CACNA1E: variants seen among roughly 807,000 people sequenced by gnomAD.
CACNA1E encodes voltage-dependent R-type calcium channel subunit alpha-1E.
CACNA1E carries 40 observed loss-of-function variants against 259.2 expected under a neutral mutation model. The ratio of observed to expected loss-of-function variants is 0.15; its 90% CI spans 0.12 to 0.20. CACNA1E has a LOEUF of 0.20. CACNA1E is among the 10% of genes least tolerant of loss of function. The pLI, the probability that CACNA1E is intolerant of heterozygous loss-of-function variation, is 1.00. For missense variants in CACNA1E, 1,874 were observed against 3,040.1 expected, an observed-to-expected ratio of 0.62 and a Z score of 9.02; for synonymous variants, 1,104 against 1,138.5, an observed-to-expected ratio of 0.97 and a Z score of 0.61.
In CACNA1E at chr1:181,732,893, C is replaced by T; in HGVS notation, c.2807C>T (p.Ala936Val). 6.2e-7 allele frequency: 1 copy of T among 1,614,008 alleles called. No homozygotes were observed. The highest frequency in any genetic ancestry group is 8.5e-7 in the Non-Finnish European group (1 of 1,179,886). Reference sequence around the variant, plus strand: ...ACAGAAGGCAAGGAGTCCTCTTCAGCCTCCCGGAGCAGGTCTGCCAGCCAG... The same window carrying T: ...ACAGAAGGCAAGGAGTCCTCTTCAGTCTCCCGGAGCAGGTCTGCCAGCCAG... Reference protein sequence around the residue: ...VRTEGKESSSASRSRSASQER... With the variant: ...VRTEGKESSSVSRSRSASQER... The change falls in exon 20 of 48, where the codon GCC becomes GTC. Residue 936 changes from alanine to valine, a missense_variant. Coordinates refer to ENST00000367573, the MANE Select transcript of CACNA1E (RefSeq NM_001205293.3). This position sits in a 1 kb window ranked among gnomAD's most constrained non-coding sequence, Gnocchi z 5.5.
chr1:181,408,254 T>C (rs760100265), intron 1 of CACNA1E, among the ~76,000 whole-genome samples: 1 of 151,008 alleles, frequency 6.6e-6, no homozygotes. Context: ...AGAAAGAGAG[T>C]GGTGGAGGGG....
intron 2 of CACNA1E, among the ~76,000 whole-genome samples, chr1:181,426,685 A>G (rs1178392431): frequency 2.5e-5 from 1 of 39,386 alleles, no homozygotes; most frequent in Admixed American, 2.9e-4. Flanking sequence ...CAACCCCTTC[A>G]CAACTCAACC....
rs540356856 is a variant in CACNA1E, at chr1:181,703,655, C to T, written c.1056-7299C>T. Among the ~76,000 whole-genome samples, 16 of 152,162 alleles carry T rather than the reference C, an allele frequency of 1.1e-4. No individual in the cohort carries two copies. The South Asian group carries it at 1.9e-3, about 18-fold the overall frequency. On this transcript the variant is annotated intron_variant, in intron 7 of 47. Transcript: ENST00000367573. ...TTCCCTGAGCTCCTAAAAGAATAAT[C>T]TTCTTTGAGTTCTCATAACTGAAAT...
intron 6 of CACNA1E, among the ~76,000 whole-genome samples, chr1:181,618,305 C>G (rs932572411): frequency 6.6e-6 from 1 of 152,200 alleles, no homozygotes; most frequent in Non-Finnish European, 1.5e-5. Context: ...TGACTCATGC[C>G]TATAATCCCA....
chr1:181,338,905 T>G (rs1447097477), intron 1 of CACNA1E, among the ~76,000 whole-genome samples: 2 of 152,104 alleles, frequency 1.3e-5, no homozygotes, highest in Non-Finnish European at 2.9e-5. Context: ...TCTAGCACAA[T>G]TAATTGAAGA....
In CACNA1E at chr1:181,685,179, ATT is replaced by A. The variant is rs35187833; in HGVS notation, c.1056-25759_1056-25758del. Among the ~76,000 whole-genome samples, 435 of 110,166 alleles carry A rather than the reference ATT, an allele frequency of 3.9e-3. 1 individual carries two copies. The highest frequency in any genetic ancestry group is 5.4e-3 in the South Asian group (18 of 3,348). 72.3% of individuals were successfully genotyped at this position (110,166 alleles called of 152,430 possible). ...CCAGGAGCATGCTTACAAAGGAAAC[ATT>A]TTTTTTTTTTTTTTTGCCTTGCCTA... On this transcript the variant is annotated intron_variant, in intron 7 of 47. Coordinates refer to ENST00000367573, the MANE Select transcript of CACNA1E (RefSeq NM_001205293.3).
At chr1:181,411,791 G>A (rs1657866139) in intron 1 of CACNA1E, among the ~76,000 whole-genome samples, 1 of 152,218 alleles carries the variant, frequency 6.6e-6, no homozygotes, top group African/African-American at 2.4e-5. Flanking sequence ...TGTATTTTTA[G>A]TAGAGACTAG....
At chr1:181,432,564 A>C (rs1176150766) in intron 2 of CACNA1E, among the ~76,000 whole-genome samples, 4 of 152,228 alleles carry the variant, frequency 2.6e-5, no homozygotes, top group African/African-American at 9.6e-5. Flanking sequence ...CATCAGATAA[A>C]AATAACATCA....
chr1:181,446,378 C>T lies in CACNA1E; in HGVS notation c.434+32798C>T, dbSNP rs560654537. Among the ~76,000 whole-genome samples, 26 of 152,328 alleles carry T rather than the reference C, an allele frequency of 1.7e-4. No individual in the cohort carries two copies. In the South Asian group the frequency reaches 5.0e-3, roughly 29 times the overall value. On this transcript the variant is annotated intron_variant, in intron 2 of 11. Coordinates refer to the CACNA1E transcript ENST00000524607. ...CATTCTGAGCACGTCAGCATACAGT[C>T]GGCCTAATGGATAAAGCTATTATAG...
chr1:181,379,143 G>C (rs774583349), intron 1 of CACNA1E, among the ~76,000 whole-genome samples: 53 of 152,060 alleles, frequency 3.5e-4, no homozygotes, highest in Admixed American at 7.2e-4. Context: ...CAGAGGCCAA[G>C]TCCATAGCAA....
intron 1 of CACNA1E, among the ~76,000 whole-genome samples, chr1:181,496,339 C>T (rs1401631527): frequency 1.3e-5 from 2 of 152,204 alleles, no homozygotes; most frequent in Non-Finnish European, 2.9e-5. Flanking sequence ...AACAGACTCA[C>T]TTGATTTTGT....
chr1:181,484,160 A>G, intron 1 of CACNA1E, 150 bp downstream of exon 1: 1 of 775,948 alleles, frequency 1.3e-6, no homozygotes, highest in Non-Finnish European at 2.2e-6. Context: ...CTAAGGGGCA[A>G]GCTTGGTGCC....
At chr1:181,678,033 G>A (rs2102243160) in intron 7 of CACNA1E, among the ~76,000 whole-genome samples, 1 of 152,322 alleles carries the variant, frequency 6.6e-6, no homozygotes, top group African/African-American at 2.4e-5. Flanking sequence ...GGATGACCAT[G>A]CGGGACATAG....
chr1:181,454,490 G>A (rs1293304750), intron 2 of CACNA1E, among the ~76,000 whole-genome samples: 1 of 152,168 alleles, frequency 6.6e-6, no homozygotes, highest in Non-Finnish European at 1.5e-5. Context: ...ATCAGGGGGT[G>A]GCCCTGTCTT....
chr1:181,638,351 C>A (rs931659704), intron 6 of CACNA1E, among the ~76,000 whole-genome samples: 18 of 152,218 alleles, frequency 1.2e-4, no homozygotes, highest in African/African-American at 4.3e-4. Context: ...ACTATTTTCT[C>A]TGCTGGCATT....
intron 6 of CACNA1E, among the ~76,000 whole-genome samples, chr1:181,584,107 GT>G (rs1651820920): frequency 1.3e-5 from 2 of 152,118 alleles, no homozygotes; most frequent in African/African-American, 4.8e-5. Flanking sequence ...TGTCATTATA[GT>G]TTTATGTTAT....
chr1:181,348,477 T>C (rs1036625696), intron 1 of CACNA1E, among the ~76,000 whole-genome samples: 4 of 152,172 alleles, frequency 2.6e-5, no homozygotes, highest in Admixed American at 2.6e-4. Context: ...GGTTTGCTAA[T>C]GGCAGTTCTG....
chr1:181,631,088 A>C lies in CACNA1E; in HGVS notation c.952-20250A>C, dbSNP rs1360543429. Reference sequence around the variant, plus strand: ...GAAGGCCTACTCTCCAAGAACAAACAAACCTGGCCTGACGCTGCATAGCTG... The same window carrying C: ...GAAGGCCTACTCTCCAAGAACAAACCAACCTGGCCTGACGCTGCATAGCTG... On this transcript the variant is annotated intron_variant, in intron 6 of 47. Transcript: ENST00000367573. 3.9e-5 allele frequency among the ~76,000 whole-genome samples: 6 copies of C among 152,198 alleles called. 1 individual carries two copies. The highest frequency in any genetic ancestry group is 3.3e-4 in the Admixed American group (5 of 15,284).
chr1:181,652,402 T>A (rs1296222087), intron 7 of CACNA1E, among the ~76,000 whole-genome samples: 1 of 152,254 alleles, frequency 6.6e-6, no homozygotes, highest in Admixed American at 6.5e-5. Flanking sequence ...AAGTTGGTCA[T>A]TTCTTGAAAC....
Sources: gnomAD v4.1 joint callset for allele counts (sites outside exome capture counted in the v4.1 genomes callset) on GRCh38, gnomAD v4.1.1 for gene constraint, Gnocchi (gnomAD v3.1) non-coding constraint, MANE v1.5 for transcripts, NCBI Gene and HGNC (gene_info 2026-07-23, HGNC 2026-07-21) for gene names.